NOC3L: variants seen among roughly 807,000 people sequenced by gnomAD.
NOC3L encodes nucleolar complex protein 3 homolog.
A neutral mutation model predicts 102.5 loss-of-function variants in NOC3L; 85 were observed. That is an observed-to-expected ratio of 0.83 (90% CI 0.70 to 0.99). The LOEUF is 0.99. NOC3L is among the 50% of genes least tolerant of loss of function. The pLI, the probability that NOC3L is intolerant of heterozygous loss-of-function variation, is 0.00. For synonymous variants in NOC3L, 303 were observed against 309.4 expected (o/e 0.98, Z 0.22); for missense variants, 878 against 914.9 (o/e 0.96, Z 0.52).
intron 4 of NOC3L, among the ~76,000 whole-genome samples, chr10:94,356,947 A>G (rs561170679): frequency 1.3e-4 from 20 of 152,352 alleles, no homozygotes; most frequent in Non-Finnish European, 2.5e-4. Flanking sequence ...AAATTTAGTG[A>G]AAAGAAAATC....
chr10:94,357,340 G>GA lies in NOC3L; in HGVS notation c.351-10dup. 1.9e-6 allele frequency: 3 copies of GA among 1,547,584 alleles called. No homozygotes were observed. The highest frequency in any genetic ancestry group is 1.4e-5 in the African/African-American group (1 of 71,580). ...TCGCATGAACAGGCTCACTGCAGGG[G>GA]AAAAAAAGATCAATTTTCAGTCTTA... is the stretch of plus-strand genomic sequence containing the variant. On this transcript the variant is annotated splice_polypyrimidine_tract_variant and intron_variant, in intron 3 of 20. Coordinates refer to ENST00000371361, the MANE Select transcript of NOC3L (RefSeq NM_022451.11).
At chr10:94,325,232 G>A in the NOC3L span, 1 of 716,838 alleles carries the variant, frequency 1.4e-6, no homozygotes, top group Non-Finnish European at 2.5e-6. Context: ...AGGTAGGAAT[G>A]GGACCTTAAA....
the NOC3L span, among the ~76,000 whole-genome samples, chr10:94,326,142 A>G: frequency 6.6e-6 from 1 of 152,186 alleles, no homozygotes; most frequent in African/African-American, 2.4e-5. Flanking sequence ...CACCTGTTCC[A>G]TGGTAGTTCA....
chr10:94,337,667 A>G (rs941861533), intron 19 of NOC3L, 110 bp downstream of exon 19: 1 of 654,892 alleles, frequency 1.5e-6, no homozygotes, highest in African/African-American at 1.8e-5. Context: ...CCAGATACCC[A>G]ACTGGCACTT....
intron 19 of NOC3L, among the ~76,000 whole-genome samples, chr10:94,335,628 T>C (rs978619677): frequency 2.0e-5 from 3 of 152,198 alleles, no homozygotes; most frequent in African/African-American, 7.2e-5. Context: ...CTGACTACTG[T>C]CATGTAAAAT....
At chr10:94,359,736 G>A (rs2054531211) in intron 2 of NOC3L, among the ~76,000 whole-genome samples, 1 of 151,840 alleles carries the variant, frequency 6.6e-6, no homozygotes, top group South Asian at 2.1e-4. Context: ...AAGACAGGCA[G>A]TAACAATGCT....
the NOC3L span, among the ~76,000 whole-genome samples, chr10:94,323,969 G>C: frequency 6.6e-6 from 1 of 152,356 alleles, no homozygotes; most frequent in South Asian, 2.1e-4. Flanking sequence ...TGAAGAGCAA[G>C]ATTCTATTCC....
chr10:94,356,952 A>T (rs999758165), intron 4 of NOC3L, among the ~76,000 whole-genome samples: 1 of 152,208 alleles, frequency 6.6e-6, no homozygotes, highest in Non-Finnish European at 1.5e-5. Context: ...TAGTGAAAAG[A>T]AAATCACCTG....
At chr10:94,348,836 A>G (rs1213291012) in intron 10 of NOC3L, among the ~76,000 whole-genome samples, 2 of 152,070 alleles carry the variant, frequency 1.3e-5, no homozygotes, top group Non-Finnish European at 2.9e-5. Flanking sequence ...TATGGCCAAA[A>G]TGTTCTCAAC....
chr10:94,331,524 C>G (rs748607232), downstream of NOC3L: 4 of 152,184 alleles, frequency 2.6e-5, no homozygotes, highest in Non-Finnish European at 5.9e-5. Context: ...ATTTTCCTGG[C>G]TGGTGTCTTT....
At chr10:94,323,516 T>C in the NOC3L span, among the ~76,000 whole-genome samples, 2 of 152,348 alleles carry the variant, frequency 1.3e-5, no homozygotes, top group Non-Finnish European at 2.9e-5. Context: ...ACTATTCCCG[T>C]TGGCTCCAGC....
downstream of NOC3L, chr10:94,331,906 C>T (rs563753515): frequency 3.5e-5 from 5 of 141,406 alleles, no homozygotes; most frequent in African/African-American, 1.3e-4. Flanking sequence ...AAGTCTCACT[C>T]TGTTGCCCAG....
intron 13 of NOC3L, among the ~76,000 whole-genome samples, chr10:94,342,525 G>A (rs1485749317): frequency 6.9e-6 from 1 of 145,444 alleles, no homozygotes; most frequent in Non-Finnish European, 1.5e-5. Context: ...CTTTGATCTG[G>A]CACTACATGC....
At chr10:94,347,400 C>A (rs1296115619) in intron 10 of NOC3L, among the ~76,000 whole-genome samples, 10 of 152,252 alleles carry the variant, frequency 6.6e-5, no homozygotes, top group African/African-American at 2.2e-4. Context: ...ATATCACCTA[C>A]CAACGAAAAA....
intron 2 of NOC3L, among the ~76,000 whole-genome samples, chr10:94,360,848 G>GAA (rs1249245068): frequency 1.4e-5 from 2 of 142,532 alleles, no homozygotes; most frequent in Non-Finnish European, 1.5e-5. Context: ...CACAAAATTA[G>GAA]AAAAAAAAAA....
Position 94,334,227 on chromosome 10 carries a change from T to C in NOC3L, c.2353A>G (p.Thr785Ala). Residue 785 changes from threonine to alanine, a missense_variant, in exon 21 of 21, where the codon ACT becomes GCT. Coordinates refer to ENST00000371361, the MANE Select transcript of NOC3L (RefSeq NM_022451.11). ...TTCGTGAAATCCAGAGGCGATTCAG[T>C]AGCAACTTCACTGGAGTATCTTTTG... ...LIKRYSSEVA[T>A]ESPLDFTKYL... is the part of the protein sequence containing the mutation. The C allele has an allele frequency of 1.2e-6, 2 of 1,609,092 alleles. No individual in the cohort carries two copies. Among genetic ancestry groups the C allele is most frequent in the African/African-American group, 1.3e-5 (1 of 74,944 alleles).
intron 19 of NOC3L, among the ~76,000 whole-genome samples, chr10:94,335,680 CGGGAAATGT>C (rs2054210102): frequency 6.6e-6 from 1 of 152,032 alleles, no homozygotes; most frequent in African/African-American, 2.4e-5. Context: ...TCAAGAAAAG[CGGGAAATGT>C]GAATTTCAGA....
At position 94,340,012 on chromosome 10, in the gene NOC3L, T is replaced by C. The variant is rs912128611; in HGVS notation, c.1781-92A>G. 500 of 1,129,346 alleles carry C rather than the reference T, an allele frequency of 4.4e-4. 1 individual carries two copies. The highest frequency in any genetic ancestry group is 3.4e-5 in the Non-Finnish European group (27 of 785,400). The allele number at this position is 1,129,346 out of a possible 1,614,324, so 70.0% of individuals were successfully genotyped here. A position where few individuals can be genotyped will look rare whatever the true frequency, so the allele number is the denominator to read the frequency against. On this transcript the variant is annotated intron_variant, in intron 16 of 20. Transcript: ENST00000371361. ...TTCAGATAAACCCAAGATAAACTTT[T>C]GTACCTGTCCCAAACCATTTCTCTA...
At position 94,350,165 on chromosome 10, in the gene NOC3L, T is replaced by G; in HGVS notation, c.1076A>C (p.His359Pro). Residue 359 changes from histidine to proline, a missense_variant, in exon 9 of 21, where the codon CAC becomes CCC. His to Pro is a moderately conservative substitution (Grantham distance 77, BLOSUM62 -2). Transcript: ENST00000371361. The part of the protein sequence containing the change: ...LLVALPHFNF[H>P]NNIIVLIVPL... The stretch of plus-strand genomic sequence containing the variant: ...GACAATCAATACGATGATGTTGTTG[T>G]GAAAGTTAAAATGAGGTAGTGCCAC... 6.2e-7 allele frequency: 1 copy of G among 1,614,116 alleles called. No individual in the cohort carries two copies. The highest frequency in any genetic ancestry group is 8.5e-7 in the Non-Finnish European group (1 of 1,180,012).
Sources: allele counts gnomAD v4.1 joint callset (sites outside exome capture counted in the v4.1 genomes callset), GRCh38; gene constraint gnomAD v4.1.1; transcripts MANE v1.5; gene names NCBI Gene and HGNC (gene_info 2026-07-23, HGNC 2026-07-21).